Variants in SLC26A5 observed in about 807,000 individuals in gnomAD.
The protein encoded by SLC26A5 is solute carrier family 26 member 5.
A neutral mutation model predicts 81.0 loss-of-function variants in SLC26A5; 51 were observed. The observed-to-expected ratio is 0.63, with a 90% CI of 0.50 to 0.80. SLC26A5 has a LOEUF of 0.80. Among genes scored for constraint, SLC26A5 ranks in the 30% least tolerant of loss-of-function variants. The pLI, the probability that SLC26A5 is intolerant of heterozygous loss-of-function variation, is 0.00. For missense variants in SLC26A5, 771 were observed against 905.8 expected, an observed-to-expected ratio of 0.85 and a Z score of 1.91; for synonymous variants, 325 against 332.8, an observed-to-expected ratio of 0.98 and a Z score of 0.25.
At position 103,377,785 on chromosome 7, in the gene SLC26A5, A is replaced by G; in HGVS notation, c.1800T>C (p.Asp600=). The G allele has an allele frequency of 6.2e-7, 1 of 1,613,904 alleles. No homozygotes were observed. Among genetic ancestry groups the G allele is most frequent in the Non-Finnish European group, 8.5e-7 (1 of 1,179,982 alleles). ...CTTCAGGCTTGGTAGCATCCTCTCC[A>G]TCTACTTCTGCATCCTGTGTCAAAA... ...ATVVKADAEV[D]GEDATKPEEE... The change falls in exon 18 of 20, where the codon GAT becomes GAC. Residue 600 remains aspartate, a synonymous_variant. Coordinates refer to ENST00000306312, the MANE Select transcript of SLC26A5 (RefSeq NM_198999.3).
chr7:103,375,437 T>C (rs915444507), intron 19 of SLC26A5, among the ~76,000 whole-genome samples: 9 of 152,280 alleles, frequency 5.9e-5, no homozygotes, highest in African/African-American at 2.2e-4. Context: ...CCATAGGGGC[T>C]GTTGCATTTT....
rs1824388982 is a variant in SLC26A5 at position 103,410,385 on chromosome 7, A to T, written c.735T>A (p.Tyr245Ter). ...KRYSGIFSVV[Y>*]STVAVLQNVK... ...GAACGTCAGGTAGTTTCTTACTTAC[A>T]TACACCACGGAAAAGATTCCACTGT... Residue 245 changes from tyrosine to a stop codon, truncating the protein, a stop_gained and splice_region_variant, in exon 7 of 20, where the codon TAT (tyrosine) becomes TAA (stop). Transcript: ENST00000306312. LOFTEE classifies it high-confidence loss of function. 6.2e-7 allele frequency: 1 copy of T among 1,613,498 alleles called. No homozygotes were observed. Among genetic ancestry groups the T allele is most frequent in the Non-Finnish European group, 8.5e-7 (1 of 1,179,514 alleles).
In SLC26A5 at chr7:103,389,054, T is replaced by C; in HGVS notation, c.1468A>G (p.Thr490Ala). 4 of 1,613,836 alleles carry C rather than the reference T, an allele frequency of 2.5e-6. No homozygotes were observed. The highest frequency in any genetic ancestry group is 3.4e-6 in the Non-Finnish European group (4 of 1,179,878). The stretch of plus-strand genomic sequence containing the variant: ...GTCAGCAGAGCAATGATCACAGCAG[T>C]GATCAAACCATAGTCCAATCCCAGG... ...LFLGLDYGLI[T>A]AVIIALLTVI... Residue 490 changes from threonine to alanine, a missense_variant, in exon 14 of 20, where the codon ACT (threonine) becomes GCT (alanine). Physicochemically the swap from Thr to Ala is moderately conservative, Grantham distance 58. Transcript: ENST00000306312.
chr7:103,425,950 T>C (rs1245693912), intron 2 of SLC26A5, among the ~76,000 whole-genome samples: 1 of 152,084 alleles, frequency 6.6e-6, no homozygotes, highest in Non-Finnish European at 1.5e-5. Flanking sequence ...TCAAAACCAC[T>C]GACATAGGAG....
Position 103,407,883 on chromosome 7 carries a change from A to G in SLC26A5, c.856T>C (p.Leu286=), listed in dbSNP as rs1192849174. 1 of 1,614,138 alleles carries G rather than the reference A, an allele frequency of 6.2e-7. No individual in the cohort carries two copies. Among genetic ancestry groups the G allele is most frequent in the Non-Finnish European group, 8.5e-7 (1 of 1,180,018 alleles). ...AACTCTAAAGGAATAGGCGCCGGCAATTTCTCTTTAAATCTCTCATTAAAC... is the reference window on the plus strand; with the variant it reads ...AACTCTAAAGGAATAGGCGCCGGCAGTTTCTCTTTAAATCTCTCATTAAAC... The part of the protein sequence containing the change: ...KEFNERFKEK[L]PAPIPLEFFA... The change falls in exon 8 of 20, where the codon TTG becomes CTG. Residue 286 remains leucine (L), a synonymous_variant. Coordinates refer to ENST00000306312, the MANE Select transcript of SLC26A5 (RefSeq NM_198999.3).
chr7:103,379,211 T>C lies in SLC26A5; in HGVS notation c.1677+32A>G, dbSNP rs751452091. 5 of 1,484,192 alleles carry C rather than the reference T, an allele frequency of 3.4e-6. No homozygotes were observed. In the East Asian group the frequency reaches 1.1e-4, roughly 34 times the overall value. 91.9% of individuals were successfully genotyped at this position (1,484,192 alleles called of 1,614,324 possible). On this transcript the variant is annotated intron_variant, in intron 16 of 19. Transcript: ENST00000306312. ...TATCCCTGTCAACCCACAAATCCCA[T>C]CCTCAGAAATAATCAATTTCTCATG...
At chr7:103,421,230 GC>G in intron 3 of SLC26A5, 132 bp downstream of exon 3, 5 of 1,005,876 alleles carry the variant, frequency 5.0e-6, no homozygotes, top group Non-Finnish European at 7.5e-6. Context: ...CTCGTGAACA[GC>G]TTTGCAAACC....
intron 1 of SLC26A5, chr7:103,445,835 A>C (rs1827265770): frequency 6.5e-6 from 1 of 153,382 alleles, no homozygotes; most frequent in South Asian, 2.1e-4. Flanking sequence ...TGCTGTGTGG[A>C]GCTGCAGAGG....
chr7:103,377,281 T>G (rs1211960943), intron 18 of SLC26A5, among the ~76,000 whole-genome samples: 1 of 152,170 alleles, frequency 6.6e-6, no homozygotes, highest in African/African-American at 2.4e-5. Flanking sequence ...AAAACGAATC[T>G]TCTTGTAGCA....
chr7:103,410,312 A>G, intron 7 of SLC26A5, 73 bp downstream of exon 7: 1 of 1,302,710 alleles, frequency 7.7e-7, no homozygotes, highest in Non-Finnish European at 1.1e-6. Context: ...TTGAAAGTAA[A>G]AAGAGATACA....
chr7:103,362,634 C>T, intron 19 of SLC26A5: 4 of 1,522,406 alleles, frequency 2.6e-6, no homozygotes, highest in East Asian at 2.3e-5. Flanking sequence ...AACATAAAAG[C>T]ACTTTGAAAG....
rs780140550 is a variant in SLC26A5, at chr7:103,389,071, A to G, written c.1451T>C (p.Leu484Ser). The G allele has an allele frequency of 1.2e-6, 2 of 1,613,826 alleles. No individual in the cohort carries two copies. Among genetic ancestry groups the G allele is most frequent in the Non-Finnish European group, 1.7e-6 (2 of 1,179,920 alleles). ...CACAGCAGTGATCAAACCATAGTCC[A>G]ATCCCAGGAACAAGGAGGACACAAA... ...TTFVSSLFLG[L>S]DYGLITAVII... The change falls in exon 14 of 20, where the codon TTG (leucine) becomes TCG (serine). Residue 484 changes from leucine (L) to serine (S), a missense_variant. By Grantham distance (145) the Leu-to-Ser change is moderately radical. Coordinates refer to ENST00000306312, the MANE Select transcript of SLC26A5 (RefSeq NM_198999.3).
At chr7:103,413,793 A>AT (rs1057512707) in intron 4 of SLC26A5, among the ~76,000 whole-genome samples, 46 of 151,576 alleles carry the variant, frequency 3.0e-4, no homozygotes, top group Admixed American at 5.3e-4. Context: ...TCCTTTAGAC[A>AT]TTTTTTTTTA....
At chr7:103,393,187 G>A in intron 9 of SLC26A5, 121 bp from the exon 10 acceptor site, 3 of 1,237,774 alleles carry the variant, frequency 2.4e-6, no homozygotes, top group Non-Finnish European at 3.4e-6. Flanking sequence ...TCAATGCTTG[G>A]ATACTTATTT....
chr7:103,410,870 T>C lies in SLC26A5; in HGVS notation c.571-321A>G, dbSNP rs10275807. ...GGTCTCGAACTCCTGACCTTGTGAT[T>C]CGCCTGCCTCAGCCTCCCAAAGTGC... On this transcript the variant is annotated intron_variant, in intron 6 of 19. Transcript: ENST00000306312. Among the ~76,000 whole-genome samples the C allele has an allele frequency of 0.31, 46,638 of 151,794 alleles. 9,381 individuals carry two copies. The highest frequency in any genetic ancestry group is 0.58 in the African/African-American group (23,809 of 41,332).
intron 8 of SLC26A5, among the ~76,000 whole-genome samples, chr7:103,402,393 C>CTTTT (rs541398228): frequency 2.4e-5 from 3 of 124,480 alleles, no homozygotes; most frequent in African/African-American, 6.1e-5. Flanking sequence ...ACGTATTGCT[C>CTTTT]TTTTTTTTTT....
At chr7:103,421,672 T>C in intron 2 of SLC26A5, 105 bp from the exon 3 acceptor site, 1 of 745,584 alleles carries the variant, frequency 1.3e-6, no homozygotes, top group South Asian at 1.6e-5. Context: ...GAGGCTTTCT[T>C]TGGACGCCCC....
At chr7:103,408,145 G>T in intron 7 of SLC26A5, 142 bp from the exon 8 acceptor site, 2 of 1,111,426 alleles carry the variant, frequency 1.8e-6, no homozygotes, top group Non-Finnish European at 2.6e-6. Flanking sequence ...ATCTCTCTTT[G>T]TAGCTTCTAC....
chr7:103,397,710 T>C, intron 9 of SLC26A5, among the ~76,000 whole-genome samples: 1 of 118,908 alleles, frequency 8.4e-6, no homozygotes, highest in African/African-American at 2.9e-5. Flanking sequence ...GAGTGAGACT[T>C]CGTCTCAAAA....
Sources: allele counts gnomAD v4.1 joint callset (sites outside exome capture counted in the v4.1 genomes callset), GRCh38; gene constraint gnomAD v4.1.1; transcripts MANE v1.5; gene names NCBI Gene and HGNC (gene_info 2026-07-23, HGNC 2026-07-21).